LETMD1: variants seen among roughly 807,000 people sequenced by gnomAD.
The protein encoded by LETMD1 is LETM1 domain-containing protein 1.
A neutral mutation model predicts 43.9 loss-of-function variants in LETMD1; 30 were observed. That is an observed-to-expected ratio of 0.68 (90% CI 0.51 to 0.93). The LOEUF is 0.93. LETMD1 is among the 40% of genes least tolerant of loss of function. The pLI, the probability that LETMD1 is intolerant of heterozygous loss-of-function variation, is 0.00. For synonymous variants in LETMD1, 176 were observed against 163.1 expected, an observed-to-expected ratio of 1.08 and a Z score of -0.60; for missense variants, 413 against 447.7, an observed-to-expected ratio of 0.92 and a Z score of 0.70.
At chr12:51,055,690 A>AAAAAAAT in intron 4 of LETMD1, 145 bp from the exon 5 acceptor site, 1 of 422,650 alleles carries the variant, frequency 2.4e-6, no homozygotes. Flanking sequence ...AAAAAAAAAA[A>AAAAAAAT]CTGAAAAAGA....
chr12:51,063,992 A>G (rs1017935735), downstream of LETMD1: 1 of 1,613,936 alleles, frequency 6.2e-7, no homozygotes, highest in Non-Finnish European at 8.5e-7. Flanking sequence ...CTGTGGAGCT[A>G]CAAGCCACGA....
At position 51,059,502 on chromosome 12, in the gene LETMD1, C is replaced by T. The variant is rs764435626; in HGVS notation, c.*71C>T. 1 of 1,357,764 alleles carries T rather than the reference C, an allele frequency of 7.4e-7. No individual in the cohort carries two copies. The highest frequency in any genetic ancestry group is 1.1e-6 in the Non-Finnish European group (1 of 948,094). 84.1% of individuals were successfully genotyped at this position (1,357,764 alleles called of 1,614,324 possible). On this transcript the variant is annotated 3_prime_UTR_variant, in exon 9 of 9. Coordinates refer to ENST00000262055, the MANE Select transcript of LETMD1 (RefSeq NM_015416.5). ...GCAGTGCAGGAACAAACAGCACTTG[C>T]CAGCAAAGTCTGTGTGTACTGTTAA...
downstream of LETMD1, chr12:51,064,335 C>G: frequency 6.2e-7 from 1 of 1,614,198 alleles, no homozygotes; most frequent in East Asian, 2.2e-5. Context: ...CGAGTCCAGG[C>G]TGGCACTAGA....
chr12:51,063,886 CTT>C (rs1937825567), downstream of LETMD1: 17 of 1,613,926 alleles, frequency 1.1e-5, no homozygotes, highest in Middle Eastern at 1.6e-4. Flanking sequence ...GGGTGGAAGT[CTT>C]CATTTTCAGG....
upstream of LETMD1, chr12:51,048,278 G>A: frequency 6.3e-7 from 1 of 1,589,306 alleles, no homozygotes; most frequent in Non-Finnish European, 8.6e-7. Flanking sequence ...AAAGACGCAT[G>A]CGTCTTCGAA....
rs546691460 is a variant in LETMD1 at position 51,053,872 on chromosome 12, C to G, written c.473+12C>G. 2.0e-6 allele frequency: 3 copies of G among 1,537,194 alleles called. No homozygotes were observed. Among genetic ancestry groups the G allele is most frequent in the South Asian group, 2.3e-5 (2 of 87,198 alleles). ...GTCTTCTTGCTAATGTGAGTACAGACTTCCATCTCCCCAACATCTTGAAGA... is the reference window on the plus strand; with the variant it reads ...GTCTTCTTGCTAATGTGAGTACAGAGTTCCATCTCCCCAACATCTTGAAGA... On this transcript the variant is annotated intron_variant, in intron 4 of 8. Transcript: ENST00000262055.
the LETMD1 span, chr12:51,068,080 C>G: frequency 1.2e-4 from 117 of 1,013,230 alleles, no homozygotes; most frequent in African/African-American, 1.8e-3. Flanking sequence ...ATGGGAATAT[C>G]TGTGCTGTCC....
Position 51,056,382 on chromosome 12 carries a change from TTACC to T in LETMD1, c.797_800del (p.Tyr266CysfsTer6), listed in dbSNP as rs1194011144. The T allele has an allele frequency of 6.2e-7, 1 of 1,614,136 alleles. No homozygotes were observed. Among genetic ancestry groups the T allele is most frequent in the Non-Finnish European group, 8.5e-7 (1 of 1,180,048 alleles). ...TGAGCCGGGCCATGCTTCTCACATC[TTACC>T]TGCCTCCTCCCTTGTTGAGACATCG... On this transcript the variant is annotated frameshift_variant, in exon 7 of 9. Coordinates refer to ENST00000262055, the MANE Select transcript of LETMD1 (RefSeq NM_015416.5). LOFTEE classifies it high-confidence loss of function.
intron 1 of LETMD1, 77 bp from the exon 2 acceptor site, chr12:51,048,957 G>C (rs1945148870): frequency 7.4e-7 from 1 of 1,360,034 alleles, no homozygotes; most frequent in Non-Finnish European, 1.0e-6. Flanking sequence ...CGAGACTCCT[G>C]CTTTACATTA....
At chr12:51,052,525 G>A (rs1946451563) in intron 3 of LETMD1, among the ~76,000 whole-genome samples, 1 of 152,168 alleles carries the variant, frequency 6.6e-6, no homozygotes, top group African/African-American at 2.4e-5. Context: ...GCTCACGCCT[G>A]TAATCCCAGC....
intron 4 of LETMD1, among the ~76,000 whole-genome samples, chr12:51,054,524 A>G (rs1340863284): frequency 6.6e-6 from 1 of 152,198 alleles, no homozygotes; most frequent in African/African-American, 2.4e-5. Flanking sequence ...TGTCAACCAG[A>G]GTGCCCAGAT....
At chr12:51,067,501 C>G in the LETMD1 span, among the ~76,000 whole-genome samples, 1 of 152,186 alleles carries the variant, frequency 6.6e-6, no homozygotes, top group Non-Finnish European at 1.5e-5. The surrounding 1 kb of genome is among the most constrained non-coding windows in gnomAD (Gnocchi z 4.1). Flanking sequence ...GCCACCATGC[C>G]TGGCCGTGTG....
chr12:51,058,407 CTTTATTTA>C, intron 8 of LETMD1: 1 of 365,088 alleles, frequency 2.7e-6, no homozygotes, highest in South Asian at 4.2e-5. Context: ...ATATCCTGTG[CTTTATTTA>C]TTTATTTATT....
At chr12:51,061,809 G>A (rs1948840180), downstream of LETMD1, 1 of 152,148 alleles carries the variant, frequency 6.6e-6, no homozygotes, top group Non-Finnish European at 1.5e-5. Flanking sequence ...AGAGACAGTG[G>A]GCAAACCTCA....
At chr12:51,056,094 G>A in intron 5 of LETMD1, 50 bp from the exon 6 acceptor site, 1 of 1,608,236 alleles carries the variant, frequency 6.2e-7, no homozygotes, top group East Asian at 2.2e-5. Flanking sequence ...CTAGGTAAGA[G>A]GAGTAGTCAG....
chr12:51,053,905 AT>A, intron 4 of LETMD1, 45 bp downstream of exon 4: 1 of 1,264,608 alleles, frequency 7.9e-7, no homozygotes, highest in Non-Finnish European at 1.1e-6. Context: ...AGATGTATCA[AT>A]TTTTTTAAAT....
downstream of LETMD1, chr12:51,063,670 T>G: frequency 1.7e-6 from 2 of 1,147,550 alleles, no homozygotes; most frequent in Non-Finnish European, 2.4e-6. Context: ...GCTTCTACAG[T>G]TTTGTTTTGA....
At position 51,056,429 on chromosome 12, in the gene LETMD1, CTG is replaced by C; in HGVS notation, c.845_846del (p.Val282AspfsTer37). Reference sequence around the variant, plus strand: ...AGACATCGTTTGAAGACTCATACAACTGTGATTCACCAACTGGACAAGGCTTT... The same window carrying C: ...AGACATCGTTTGAAGACTCATACAACTGATTCACCAACTGGACAAGGCTTT... On this transcript the variant is annotated frameshift_variant, in exon 7 of 9. Coordinates refer to ENST00000262055, the MANE Select transcript of LETMD1 (RefSeq NM_015416.5). LOFTEE classifies it high-confidence loss of function. The C allele has an allele frequency of 5.6e-6, 9 of 1,614,200 alleles. No homozygotes were observed. Among genetic ancestry groups the C allele is most frequent in the Non-Finnish European group, 6.8e-6 (8 of 1,180,030 alleles).
chr12:51,057,995 T>C, intron 7 of LETMD1, 37 bp from the exon 8 acceptor site: 2 of 1,234,630 alleles, frequency 1.6e-6, no homozygotes, highest in Non-Finnish European at 1.2e-6. Context: ...AATCATTCTA[T>C]GATTATTAAG....
Sources: allele counts gnomAD v4.1 joint callset (sites outside exome capture counted in the v4.1 genomes callset), GRCh38; gene constraint gnomAD v4.1.1; non-coding constraint Gnocchi (gnomAD v3.1); transcripts MANE v1.5; gene names NCBI Gene and HGNC (gene_info 2026-07-23, HGNC 2026-07-21).